The following SLC24A3 variants were observed in gnomAD, a reference collection of about 807,000 sequenced individuals.
The protein encoded by SLC24A3 is solute carrier family 24 member 3.
SLC24A3 carries 28 observed loss-of-function variants against 75.8 expected under a neutral mutation model. That is an observed-to-expected ratio of 0.37 (90% CI 0.27 to 0.51). The LOEUF is 0.51. SLC24A3 is among the 20% of genes least tolerant of loss of function. The pLI is 0.94. For synonymous variants in SLC24A3, 372 were observed against 334.1 expected (o/e 1.11, Z -1.24); for missense variants, 663 against 847.8 (o/e 0.78, Z 2.71).
chr20:19,637,366 G>T (rs1038997053), intron 6 of SLC24A3, among the ~76,000 whole-genome samples: 3 of 152,124 alleles, frequency 2.0e-5, no homozygotes, highest in Admixed American at 2.0e-4. Context: ...ATAATGAAAA[G>T]GACCAAAATA....
intron 2 of SLC24A3, among the ~76,000 whole-genome samples, chr20:19,513,683 C>T (rs902911428): frequency 6.8e-6 from 1 of 147,280 alleles, no homozygotes; most frequent in Non-Finnish European, 1.5e-5. Flanking sequence ...AAGGACCATA[C>T]AAAACTAGAG....
chr20:19,317,482 C>A (rs1028923326), intron 2 of SLC24A3, among the ~76,000 whole-genome samples: 2 of 152,144 alleles, frequency 1.3e-5, no homozygotes, highest in African/African-American at 4.8e-5. Context: ...AGAAAAGAGG[C>A]AAAAGGAAAA....
intron 2 of SLC24A3, among the ~76,000 whole-genome samples, chr20:19,372,561 T>C (rs1568602187): frequency 1.3e-5 from 2 of 152,188 alleles, no homozygotes; most frequent in Non-Finnish European, 2.9e-5. Flanking sequence ...GTTCAATTGC[T>C]TCCTATGAAA....
chr20:19,417,895 G>A (rs1019475147), intron 2 of SLC24A3, among the ~76,000 whole-genome samples: 11 of 152,180 alleles, frequency 7.2e-5, no homozygotes, highest in Non-Finnish European at 1.3e-4. Context: ...ATGAAAGCCA[G>A]ACCTGTACTC....
intron 1 of SLC24A3, among the ~76,000 whole-genome samples, chr20:19,256,181 C>T (rs2122187022): frequency 1.3e-5 from 2 of 152,184 alleles, no homozygotes; most frequent in South Asian, 4.2e-4. Context: ...ATGCATGCTG[C>T]AACATGGATG....
chr20:19,379,743 A>G (rs1986150256), intron 2 of SLC24A3, among the ~76,000 whole-genome samples: 1 of 152,216 alleles, frequency 6.6e-6, no homozygotes, highest in Non-Finnish European at 1.5e-5. Flanking sequence ...TACAACAACA[A>G]CAATGACAAA....
intron 15 of SLC24A3, among the ~76,000 whole-genome samples, chr20:19,714,261 T>C (rs1161107827): frequency 2.0e-5 from 3 of 151,820 alleles, no homozygotes; most frequent in African/African-American, 7.3e-5. Flanking sequence ...ACAAATTAGC[T>C]AGGCATAGTG....
intron 2 of SLC24A3, among the ~76,000 whole-genome samples, chr20:19,378,559 G>A (rs1986126252): frequency 6.6e-6 from 1 of 152,126 alleles, no homozygotes; most frequent in African/African-American, 2.4e-5. Context: ...TGAATTTGGG[G>A]CTAAATGAGC....
intron 2 of SLC24A3, among the ~76,000 whole-genome samples, chr20:19,454,041 C>T (rs1356886605): frequency 6.6e-6 from 1 of 152,242 alleles, no homozygotes; most frequent in African/African-American, 2.4e-5. Context: ...TCCTTGAAGC[C>T]TGACCAGCCT....
At chr20:19,668,656 T>C (rs1339590823) in intron 8 of SLC24A3, among the ~76,000 whole-genome samples, 2 of 152,226 alleles carry the variant, frequency 1.3e-5, no homozygotes, top group South Asian at 2.1e-4. Flanking sequence ...GTTCAGATTC[T>C]TTCACCATTC....
chr20:19,568,407 T>C (rs1600283908), intron 3 of SLC24A3, among the ~76,000 whole-genome samples: 1 of 152,224 alleles, frequency 6.6e-6, no homozygotes, highest in East Asian at 1.9e-4. Context: ...TATAGACATA[T>C]AATAGAATAT....
intron 1 of SLC24A3, among the ~76,000 whole-genome samples, chr20:19,261,536 A>T (rs1234867249): frequency 4.0e-5 from 6 of 151,550 alleles, no homozygotes; most frequent in Admixed American, 3.9e-4. Context: ...TTTTGTAAAG[A>T]TGGTGTTTTG....
rs758353218 is a variant in SLC24A3, at chr20:19,375,647, G to A, written c.271+94560G>A. Among the ~76,000 whole-genome samples, 4 of 152,358 alleles carry A rather than the reference G, an allele frequency of 2.6e-5. No homozygotes were observed. In the South Asian group the frequency reaches 6.2e-4, roughly 24 times the overall value. ...TGACAGATGTTGTAAATCTTGGGAA[G>A]TGTGCTGCGGCCATCTCTGCACTGT... On this transcript the variant is annotated intron_variant, in intron 2 of 16. Transcript: ENST00000328041.
intron 6 of SLC24A3, among the ~76,000 whole-genome samples, chr20:19,627,184 C>A (rs372656852): frequency 6.6e-6 from 1 of 152,196 alleles, no homozygotes; most frequent in African/African-American, 2.4e-5. Context: ...GGGACCCATT[C>A]TATTCAAATA....
intron 1 of SLC24A3, chr20:19,242,720 C>T (rs73605510): frequency 2.0e-5 from 3 of 152,022 alleles, no homozygotes; most frequent in Admixed American, 6.5e-5. Context: ...ATCCAAAGAA[C>T]GGACACAAAT....
At chr20:19,576,439 T>C (rs2031135850) in intron 3 of SLC24A3, among the ~76,000 whole-genome samples, 1 of 152,146 alleles carries the variant, frequency 6.6e-6, no homozygotes, top group South Asian at 2.1e-4. Context: ...GAGAGAGACT[T>C]AGAGCAGAGT....
At chr20:19,586,812 G>A (rs917350261) in intron 6 of SLC24A3, among the ~76,000 whole-genome samples, 3 of 152,152 alleles carry the variant, frequency 2.0e-5, no homozygotes, top group Non-Finnish European at 4.4e-5. Flanking sequence ...CTGGAAAAGG[G>A]GCTCCCAGTA....
intron 1 of SLC24A3, chr20:19,261,932 G>A (rs1448061183): frequency 6.6e-6 from 1 of 152,250 alleles, no homozygotes; most frequent in Non-Finnish European, 1.5e-5. Flanking sequence ...ATCAGCAGCT[G>A]TTTCTGCAGG....
At chr20:19,623,363 G>T (rs189624760) in intron 6 of SLC24A3, among the ~76,000 whole-genome samples, 20 of 152,314 alleles carry the variant, frequency 1.3e-4, no homozygotes, top group African/African-American at 3.8e-4. Context: ...ACCACCAGCA[G>T]CAAGCATGCT....
Sources: gnomAD v4.1 joint callset for allele counts (sites outside exome capture counted in the v4.1 genomes callset) on GRCh38, gnomAD v4.1.1 for gene constraint, MANE v1.5 for transcripts, NCBI Gene and HGNC (gene_info 2026-07-23, HGNC 2026-07-21) for gene names.